The following ZNF536 variants were observed in gnomAD, a reference collection of about 807,000 sequenced individuals.
ZNF536 encodes zinc finger protein 536.
Under a neutral mutation model 84.5 loss-of-function variants are expected in ZNF536, and 13 were observed. That is an observed-to-expected ratio of 0.15 (90% CI 0.10 to 0.24). The LOEUF (loss-of-function observed/expected upper bound fraction) is 0.24. Ranked by LOEUF, ZNF536 falls within the 10% of genes least tolerant of loss-of-function variation. The pLI, the probability that ZNF536 is intolerant of heterozygous loss-of-function variation, is 1.00. For missense variants in ZNF536, 1,536 were observed against 1,747.5 expected (o/e 0.88, Z 2.16); for synonymous variants, 811 against 742.5 (o/e 1.09, Z -1.50).
intron 2 of ZNF536, among the ~76,000 whole-genome samples, chr19:30,534,396 G>T (rs1019709564): frequency 2.0e-5 from 3 of 152,160 alleles, no homozygotes; most frequent in Non-Finnish European, 4.4e-5. Flanking sequence ...GCATGTCTTA[G>T]GGACTCAGCT....
At chr19:30,656,854 A>T (rs2049933707) in intron 1 of ZNF536, among the ~76,000 whole-genome samples, 1 of 152,158 alleles carries the variant, frequency 6.6e-6, no homozygotes, top group South Asian at 2.1e-4. Context: ...GAACCATGGA[A>T]ATCGCAGGGG....
chr19:30,566,343 G>A (rs1038811457), intron 1 of ZNF536, among the ~76,000 whole-genome samples: 19 of 152,258 alleles, frequency 1.2e-4, no homozygotes, highest in African/African-American at 4.3e-4. Context: ...AGCAGGATCT[G>A]GTCCTCCGAA....
chr19:30,560,296 C>A (rs1568555096), downstream of ZNF536, among the ~76,000 whole-genome samples: 2 of 151,920 alleles, frequency 1.3e-5, no homozygotes, highest in Non-Finnish European at 2.9e-5. Context: ...CACCATCCAT[C>A]CCCACATGGG....
At chr19:30,422,974 C>G (rs2051034667) in intron 1 of ZNF536, among the ~76,000 whole-genome samples, 1 of 138,170 alleles carries the variant, frequency 7.2e-6, no homozygotes, top group South Asian at 2.5e-4. Flanking sequence ...ACCATCCATC[C>G]ATCCAACCAA....
At chr19:30,599,484 C>T (rs113421704) in intron 1 of ZNF536, among the ~76,000 whole-genome samples, 418 of 13,392 alleles carry the variant, frequency 0.031, 10 homozygotes, top group African/African-American at 0.076. Flanking sequence ...CCTTCCTTCC[C>T]TCCTTCCTTC....
chr19:30,677,140 C>T (rs985061568), intron 1 of ZNF536, among the ~76,000 whole-genome samples: 1 of 152,240 alleles, frequency 6.6e-6, no homozygotes, highest in Admixed American at 6.5e-5. Context: ...TACCTTGGCT[C>T]ATACCTGCTG....
intron 1 of ZNF536, among the ~76,000 whole-genome samples, chr19:30,621,764 T>A (rs1007393572): frequency 1.6e-4 from 25 of 152,346 alleles, no homozygotes; most frequent in Non-Finnish European, 3.1e-4. Flanking sequence ...CATCAGGACA[T>A]AGCCCACTGG....
chr19:30,493,040 A>G (rs982462670), intron 2 of ZNF536, among the ~76,000 whole-genome samples: 3 of 150,272 alleles, frequency 2.0e-5, no homozygotes, highest in Non-Finnish European at 4.4e-5. Flanking sequence ...GTATTTTTTT[A>G]AAGTTCAATC....
intron 3 of ZNF536, among the ~76,000 whole-genome samples, chr19:30,538,031 C>A (rs1051073769): frequency 6.6e-6 from 1 of 152,188 alleles, no homozygotes; most frequent in Non-Finnish European, 1.5e-5. Context: ...AAATAAACAT[C>A]TATTATGACA....
intron 1 of ZNF536, among the ~76,000 whole-genome samples, chr19:30,433,703 G>A (rs1332522601): frequency 2.0e-5 from 3 of 152,152 alleles, no homozygotes; most frequent in Non-Finnish European, 4.4e-5. Flanking sequence ...CTCCATGTTG[G>A]TCAGGCTGGT....
At chr19:30,499,203 A>G (rs1336996670) in intron 2 of ZNF536, among the ~76,000 whole-genome samples, 2 of 152,070 alleles carry the variant, frequency 1.3e-5, no homozygotes, top group Non-Finnish European at 2.9e-5. Flanking sequence ...GAAAAACATT[A>G]TGTTTCTATA....
chr19:30,574,542 T>C (rs915420626), intron 1 of ZNF536, among the ~76,000 whole-genome samples: 5 of 152,236 alleles, frequency 3.3e-5, no homozygotes, highest in South Asian at 4.1e-4. Flanking sequence ...GCCAAAGACA[T>C]TGGGCTTGAA....
intron 1 of ZNF536, among the ~76,000 whole-genome samples, chr19:30,429,979 G>A (rs76147953): frequency 5.9e-5 from 9 of 151,926 alleles, no homozygotes; most frequent in Admixed American, 1.3e-4. Context: ...ACAGGGTGGT[G>A]AGGCACGGGC....
At chr19:30,449,220 C>G (rs566012830) in intron 2 of ZNF536, among the ~76,000 whole-genome samples, 4 of 152,298 alleles carry the variant, frequency 2.6e-5, no homozygotes, top group African/African-American at 9.6e-5. Flanking sequence ...ACACCGTGGT[C>G]AATGTCATTC....
intron 2 of ZNF536, among the ~76,000 whole-genome samples, chr19:30,352,002 G>A (rs1483341014): frequency 6.6e-6 from 1 of 152,192 alleles, no homozygotes; most frequent in African/African-American, 2.4e-5. Flanking sequence ...ATGGAATTGT[G>A]TCTTCAGGTG....
At chr19:30,369,440 G>A (rs750981821), upstream of ZNF536, among the ~76,000 whole-genome samples, 1 of 152,178 alleles carries the variant, frequency 6.6e-6, no homozygotes, top group Non-Finnish European at 1.5e-5. Context: ...AATGAAACAT[G>A]AATGCATTAA....
chr19:30,422,526 G>A (rs1299877836), intron 1 of ZNF536, among the ~76,000 whole-genome samples: 1 of 152,114 alleles, frequency 6.6e-6, no homozygotes, highest in Admixed American at 6.5e-5. Flanking sequence ...CCATGGGGGT[G>A]GCCTACTGTG....
intron 2 of ZNF536, among the ~76,000 whole-genome samples, chr19:30,344,818 G>T (rs553684703): frequency 2.0e-5 from 3 of 152,312 alleles, no homozygotes; most frequent in African/African-American, 7.2e-5. Context: ...GACTCCCAAG[G>T]TCAGACAGCG....
In ZNF536 at chr19:30,337,899, G is replaced by A. The variant is rs151023532; in HGVS notation, c.-119-14469G>A. Among the ~76,000 whole-genome samples the A allele has an allele frequency of 8.4e-3, 1,276 of 152,144 alleles. 26 individuals carry two copies. The highest frequency in any genetic ancestry group is 0.03 in the African/African-American group (1,230 of 41,494). On this transcript the variant is annotated intron_variant, in intron 2 of 5. Transcript: ENST00000585628. Reference sequence around the variant, plus strand: ...TACTCCTCAATAAGTGATGATGGTGGTGATGATGATGATGATGACAATGGT... The same window carrying A: ...TACTCCTCAATAAGTGATGATGGTGATGATGATGATGATGATGACAATGGT...
Sources: allele counts gnomAD v4.1 joint callset (sites outside exome capture counted in the v4.1 genomes callset), GRCh38; gene constraint gnomAD v4.1.1; transcripts MANE v1.5; gene names NCBI Gene and HGNC (gene_info 2026-07-23, HGNC 2026-07-21).